The following PARP8 variants were observed in gnomAD, a reference collection of about 807,000 sequenced individuals.
PARP8 encodes protein mono-ADP-ribosyltransferase PARP8.
A neutral mutation model predicts 124.1 loss-of-function variants in PARP8; 51 were observed. That is an observed-to-expected ratio of 0.41 (90% CI 0.33 to 0.52). PARP8 has a LOEUF of 0.52. PARP8 is among the 20% of genes least tolerant of loss of function. The pLI is 0.21. For synonymous variants in PARP8, 391 were observed against 361.5 expected (o/e 1.08, Z -0.93); for missense variants, 860 against 1,018.9 (o/e 0.84, Z 2.12).
chr5:50,736,203 G>A (rs976047311), intron 2 of PARP8, among the ~76,000 whole-genome samples: 1 of 152,022 alleles, frequency 6.6e-6, no homozygotes, highest in African/African-American at 2.4e-5. Flanking sequence ...CATACAGAGG[G>A]TAATTTGTGA....
chr5:50,816,104 C>T (rs1258522700), intron 15 of PARP8, among the ~76,000 whole-genome samples: 1 of 151,946 alleles, frequency 6.6e-6, no homozygotes, highest in South Asian at 2.1e-4. Flanking sequence ...AGACCAACCA[C>T]ATACAGAAAC....
chr5:50,727,161 T>G (rs989402357), intron 2 of PARP8, among the ~76,000 whole-genome samples: 4 of 152,124 alleles, frequency 2.6e-5, no homozygotes, highest in Non-Finnish European at 5.9e-5. Context: ...TATCTTTAGT[T>G]TTCTACCTAT....
At chr5:50,773,832 A>ATTTTTTTTTTTTTTT (rs35571636) in intron 7 of PARP8, among the ~76,000 whole-genome samples, 1 of 136,072 alleles carries the variant, frequency 7.3e-6, no homozygotes, top group African/African-American at 2.8e-5. Flanking sequence ...TATTTCATTA[A>ATTTTTTTTTTTTTTT]TTTTTTTTTT....
At chr5:50,745,860 G>A (rs1487920873) in intron 2 of PARP8, among the ~76,000 whole-genome samples, 2 of 152,152 alleles carry the variant, frequency 1.3e-5, no homozygotes, top group East Asian at 3.9e-4. Context: ...ACGGGAAAAT[G>A]AATTCATATG....
chr5:50,808,330 C>A (rs1319788155), intron 14 of PARP8, among the ~76,000 whole-genome samples: 2 of 151,810 alleles, frequency 1.3e-5, no homozygotes, highest in East Asian at 3.9e-4. Context: ...TTCTGATTAG[C>A]CTCAGTAAAT....
intron 2 of PARP8, among the ~76,000 whole-genome samples, chr5:50,737,637 C>G (rs1476432809): frequency 2.0e-5 from 3 of 152,164 alleles, no homozygotes; most frequent in African/African-American, 7.2e-5. Flanking sequence ...TTATTTAAAT[C>G]TTATGTAGTT....
intron 2 of PARP8, among the ~76,000 whole-genome samples, chr5:50,689,733 G>T (rs955042767): frequency 2.0e-5 from 3 of 152,168 alleles, no homozygotes; most frequent in Non-Finnish European, 4.4e-5. Flanking sequence ...AGGTTGATGG[G>T]ATCTAATTCA....
At position 50,845,750 on chromosome 5, in the gene PARP8, TG is replaced by T. The variant is rs1748564622; in HGVS notation, c.*3685del. Reference sequence around the variant, plus strand: ...TCTATTTTGAGATTGATTTTCTACGTGGGCCAATTTTATGTCCATTACCTAA... The same window carrying T: ...TCTATTTTGAGATTGATTTTCTACGTGGCCAATTTTATGTCCATTACCTAA... On this transcript the variant is annotated 3_prime_UTR_variant, in exon 26 of 26. Transcript: ENST00000281631. The T allele has an allele frequency of 1.3e-5, 2 of 151,718 alleles. No individual in the cohort carries two copies. Among genetic ancestry groups the T allele is most frequent in the African/African-American group, 4.8e-5 (2 of 41,388 alleles). The allele number at this position is 151,718 out of a possible 1,614,324, so 9.4% of individuals were successfully genotyped here. A position where few individuals can be genotyped will look rare whatever the true frequency, so the allele number is the denominator to read the frequency against.
intron 14 of PARP8, among the ~76,000 whole-genome samples, chr5:50,811,072 G>A (rs557941525): frequency 2.6e-5 from 4 of 152,030 alleles, no homozygotes; most frequent in South Asian, 2.1e-4. Flanking sequence ...TCAAACTATT[G>A]GAGTAGCAGA....
rs1421801606 is a variant in PARP8, at chr5:50,797,016, G to A, written c.1463G>A (p.Arg488His). The A allele has an allele frequency of 8.1e-6, 13 of 1,612,286 alleles. No homozygotes were observed. Among genetic ancestry groups the A allele is most frequent in the East Asian group, 2.2e-5 (1 of 44,842 alleles). ...GCAAAATGCATTCCAGTACGAGACC[G>A]TGGCTTCCTGGTGCAGGTATGAGCC... ...NGAKCIPVRDRGFLVQTIEFA... is the reference protein window; with the variant it reads ...NGAKCIPVRDHGFLVQTIEFA... The change falls in exon 13 of 26, where the codon CGT becomes CAT. Residue 488 changes from arginine to histidine, a missense_variant. Around this residue, in one of 2 missense-constraint regions of PARP8, gnomAD observed 343 missense variants for 474.7 expected, o/e 0.72. Coordinates refer to ENST00000281631, the MANE Select transcript of PARP8 (RefSeq NM_024615.4).
intron 14 of PARP8, among the ~76,000 whole-genome samples, chr5:50,800,886 A>G (rs1743132299): frequency 1.3e-5 from 2 of 151,230 alleles, no homozygotes; most frequent in Admixed American, 1.3e-4. Context: ...CCTCCTGAGT[A>G]GCTGGGACTA....
intron 19 of PARP8, 122 bp downstream of exon 19, chr5:50,826,925 A>C (rs1256915064): frequency 7.3e-7 from 1 of 1,361,650 alleles, no homozygotes; most frequent in Non-Finnish European, 9.8e-7. Flanking sequence ...ACCCAGGTTA[A>C]ATATAATTCT....
At chr5:50,786,722 C>T (rs1741297739) in intron 9 of PARP8, among the ~76,000 whole-genome samples, 1 of 152,058 alleles carries the variant, frequency 6.6e-6, no homozygotes, top group African/African-American at 2.4e-5. Context: ...ATCTTCCATC[C>T]GCTTGGCCAT....
chr5:50,795,271 T>A lies in PARP8; in HGVS notation c.1282T>A (p.Leu428Met), dbSNP rs576587289. ...EELYGLKNHK[L>M]LSKSYSSAPK... Reference sequence around the variant, plus strand: ...ATTATATGGACTGAAAAATCACAAATTGCTCAGCAAGTCCTACTCCAGTGC... The same window carrying A: ...ATTATATGGACTGAAAAATCACAAAATGCTCAGCAAGTCCTACTCCAGTGC... The change falls in exon 12 of 26, where the codon TTG (leucine) becomes ATG (methionine). Residue 428 changes from leucine to methionine, a missense_variant. Around this residue, in one of 2 missense-constraint regions of PARP8, gnomAD observed 517 missense variants for 544.2 expected, o/e 0.95. Transcript: ENST00000281631. The A allele has an allele frequency of 6.2e-7, 1 of 1,614,102 alleles. No homozygotes were observed. The highest frequency in any genetic ancestry group is 8.5e-7 in the Non-Finnish European group (1 of 1,180,010).
At position 50,797,215 on chromosome 5, in the gene PARP8, A is replaced by G; in HGVS notation, c.1557A>G (p.Gln519=). The part of the protein sequence containing the change: ...CVVCDEPHVF[Q]NGPMLRPTVC... ...TTTGTGATGAGCCACATGTGTTTCA[A>G]AATGGCCCTATGCTTAGGGTAAGTT... The change falls in exon 14 of 26, where the codon CAA becomes CAG. Residue 519 remains glutamine, a synonymous_variant. Coordinates refer to ENST00000281631, the MANE Select transcript of PARP8 (RefSeq NM_024615.4). The G allele has an allele frequency of 6.2e-7, 1 of 1,610,110 alleles. No homozygotes were observed. The highest frequency in any genetic ancestry group is 8.5e-7 in the Non-Finnish European group (1 of 1,177,326).
intron 3 of PARP8, among the ~76,000 whole-genome samples, chr5:50,755,943 A>G (rs1759893812): frequency 6.6e-6 from 1 of 152,082 alleles, no homozygotes; most frequent in African/African-American, 2.4e-5. Flanking sequence ...CTTTGAAGCA[A>G]TTATGAATGG....
intron 2 of PARP8, among the ~76,000 whole-genome samples, chr5:50,730,757 AGT>A (rs1346546369): frequency 6.6e-6 from 1 of 152,218 alleles, no homozygotes; most frequent in African/African-American, 2.4e-5. Context: ...TTATATTTTA[AGT>A]GATTTCCTTT....
intron 2 of PARP8, among the ~76,000 whole-genome samples, chr5:50,743,701 T>C (rs929866923): frequency 1.3e-5 from 2 of 151,906 alleles, no homozygotes; most frequent in African/African-American, 4.8e-5. Flanking sequence ...CTTGAGGCCA[T>C]TGCATTCCAG....
chr5:50,737,085 T>C (rs1358975377), intron 2 of PARP8, among the ~76,000 whole-genome samples: 2 of 152,168 alleles, frequency 1.3e-5, no homozygotes, highest in Non-Finnish European at 2.9e-5. Flanking sequence ...GGTGAATTTC[T>C]TTCTGGTTGA....
Sources: gnomAD v4.1 joint callset for allele counts (sites outside exome capture counted in the v4.1 genomes callset) on GRCh38, gnomAD v4.1.1 for gene constraint, gnomAD v4.1.1 regional missense constraint, MANE v1.5 for transcripts, NCBI Gene and HGNC (gene_info 2026-07-23, HGNC 2026-07-21) for gene names.